NBAS: variants seen among roughly 807,000 people sequenced by gnomAD.
NBAS encodes the protein NAG/BC035112 fusion.
A neutral mutation model predicts 302.5 loss-of-function variants in NBAS; 219 were observed. The observed-to-expected ratio is 0.72, with a 90% confidence interval of 0.65 to 0.81. The LOEUF (loss-of-function observed/expected upper bound fraction) is 0.81. Ranked by LOEUF, NBAS falls within the 30% of genes least tolerant of loss-of-function variation. The pLI is 0.00. For missense variants in NBAS, 2,932 were observed against 2,841.6 expected (o/e 1.03, Z -0.72); for synonymous variants, 1,118 against 1,021.6 (o/e 1.09, Z -1.80).
At chr2:15,252,375 G>A (rs561959800) in intron 44 of NBAS, among the ~76,000 whole-genome samples, 13 of 152,216 alleles carry the variant, frequency 8.5e-5, no homozygotes, top group Non-Finnish European at 1.5e-4. Flanking sequence ...GCGCGTGCCT[G>A]TAATCCCAAC....
intron 21 of NBAS, among the ~76,000 whole-genome samples, chr2:15,451,625 T>C (rs1679016013): frequency 6.6e-6 from 1 of 152,192 alleles, no homozygotes; most frequent in South Asian, 2.1e-4. Flanking sequence ...TTTGTTCTAC[T>C]GGAAATTTTA....
intron 21 of NBAS, among the ~76,000 whole-genome samples, chr2:15,436,495 T>C (rs1678022472): frequency 6.6e-6 from 1 of 152,138 alleles, no homozygotes; most frequent in Non-Finnish European, 1.5e-5. Context: ...AACCAAGTTA[T>C]ACAAAGGCAG....
intron 11 of NBAS, among the ~76,000 whole-genome samples, chr2:15,500,426 C>T (rs890213641): frequency 6.7e-6 from 1 of 148,428 alleles, no homozygotes; most frequent in Non-Finnish European, 1.5e-5. Flanking sequence ...AGGAAGTCAG[C>T]GTTGAACAAA....
intron 44 of NBAS, among the ~76,000 whole-genome samples, chr2:15,246,855 G>A (rs888412835): frequency 2.0e-5 from 3 of 152,188 alleles, no homozygotes; most frequent in Non-Finnish European, 4.4e-5. Context: ...GTATGTCAAA[G>A]TCTAGTTGTA....
the NBAS span, among the ~76,000 whole-genome samples, chr2:15,094,084 C>G: frequency 6.6e-6 from 1 of 152,108 alleles, no homozygotes; most frequent in Non-Finnish European, 1.5e-5. Flanking sequence ...CGTTTCTAGC[C>G]AAACTGAAGA....
At chr2:14,931,676 A>G in the NBAS span, among the ~76,000 whole-genome samples, 1 of 152,184 alleles carries the variant, frequency 6.6e-6, no homozygotes, top group African/African-American at 2.4e-5. Context: ...ACTCGGCACC[A>G]TGAGCTTATC....
chr2:14,803,633 TTTG>T, the NBAS span, among the ~76,000 whole-genome samples: 72 of 152,126 alleles, frequency 4.7e-4, no homozygotes, highest in South Asian at 5.2e-3. Flanking sequence ...ATGTTTTCTT[TTTG>T]TTGTTGTTTG....
At chr2:15,386,546 G>A (rs961204575) in intron 28 of NBAS, among the ~76,000 whole-genome samples, 1 of 152,092 alleles carries the variant, frequency 6.6e-6, no homozygotes, top group African/African-American at 2.4e-5. Context: ...TCTCCCTACA[G>A]ATCTGGAATT....
the NBAS span, among the ~76,000 whole-genome samples, chr2:14,886,912 A>G: frequency 6.6e-6 from 1 of 152,240 alleles, no homozygotes; most frequent in East Asian, 1.9e-4. Context: ...GCAAAATTGC[A>G]TAGAGTTCTA....
At chr2:15,134,942 T>A in the NBAS span, among the ~76,000 whole-genome samples, 2 of 152,202 alleles carry the variant, frequency 1.3e-5, no homozygotes, top group African/African-American at 2.4e-5. Context: ...TTGCTTTTTA[T>A]GGCAAATTGA....
chr2:15,071,913 T>C, the NBAS span, among the ~76,000 whole-genome samples: 8 of 152,288 alleles, frequency 5.3e-5, no homozygotes, highest in East Asian at 1.4e-3. Flanking sequence ...CATGAAAACA[T>C]AATCAAGAAA....
chr2:15,377,042 C>G (rs1371311942), intron 30 of NBAS, among the ~76,000 whole-genome samples: 1 of 151,864 alleles, frequency 6.6e-6, no homozygotes, highest in Admixed American at 6.6e-5. Context: ...CAAAGGATGA[C>G]AGAAAAGACA....
At chr2:15,073,618 C>A in the NBAS span, among the ~76,000 whole-genome samples, 5 of 151,082 alleles carry the variant, frequency 3.3e-5, no homozygotes, top group Non-Finnish European at 7.4e-5. Context: ...CATTTTTTTT[C>A]TTTTACTACT....
intron 40 of NBAS, among the ~76,000 whole-genome samples, chr2:15,302,600 G>A (rs1047144226): frequency 1.1e-4 from 16 of 152,194 alleles, no homozygotes; most frequent in African/African-American, 3.4e-4. Flanking sequence ...ACAAGAGATA[G>A]CATGAGGGCA....
chr2:14,922,029 T>C, the NBAS span, among the ~76,000 whole-genome samples: 1 of 152,142 alleles, frequency 6.6e-6, no homozygotes, highest in African/African-American at 2.4e-5. Flanking sequence ...TGTTAAGAAA[T>C]TGAAAGCTCC....
the NBAS span, among the ~76,000 whole-genome samples, chr2:15,056,788 C>T: frequency 4.6e-5 from 7 of 150,772 alleles, no homozygotes; most frequent in East Asian, 2.0e-4. Flanking sequence ...TATTCAGAGG[C>T]GGGGACCAAA....
chr2:15,554,416 G>C (rs1034862887), intron 3 of NBAS, among the ~76,000 whole-genome samples: 8 of 151,810 alleles, frequency 5.3e-5, no homozygotes, highest in African/African-American at 1.9e-4. Flanking sequence ...TCACAGAGCA[G>C]AGTACACTTA....
the NBAS span, among the ~76,000 whole-genome samples, chr2:14,809,958 C>T: frequency 6.6e-6 from 1 of 152,228 alleles, no homozygotes; most frequent in African/African-American, 2.4e-5. Context: ...GACTGCCCCG[C>T]TGTATTTTGG....
chr2:15,239,563 A>G (rs987828979), intron 44 of NBAS, among the ~76,000 whole-genome samples: 2 of 151,962 alleles, frequency 1.3e-5, no homozygotes, highest in African/African-American at 4.8e-5. Context: ...ATTTCCTTTG[A>G]GCATCATGTT....
Sources: allele counts gnomAD v4.1 joint callset (sites outside exome capture counted in the v4.1 genomes callset), GRCh38; gene constraint gnomAD v4.1.1; transcripts MANE v1.5; gene names NCBI Gene and HGNC (gene_info 2026-07-23, HGNC 2026-07-21).